PASD1: variants seen among roughly 807,000 people sequenced by gnomAD.
PASD1 encodes the protein PAS domain containing repressor 1.
Under a neutral mutation model 58.8 loss-of-function variants are expected in PASD1, and 13 were observed. The observed-to-expected ratio is 0.22, with a 90% CI of 0.14 to 0.35. The LOEUF is 0.35. Ranked by LOEUF, PASD1 falls within the 10% of genes least tolerant of loss-of-function variation. The pLI is 1.00. For synonymous variants in PASD1, 236 were observed against 216.7 expected, an observed-to-expected ratio of 1.09 and a Z score of -0.78; for missense variants, 734 against 568.3, an observed-to-expected ratio of 1.29 and a Z score of -2.96.
chrX:151,642,104 A>G (rs2014005688), intron 8 of PASD1, among the ~76,000 whole-genome samples: 1 of 112,218 alleles, frequency 8.9e-6, no homozygotes, highest in Non-Finnish European at 1.9e-5. Flanking sequence ...AAGATGGTAA[A>G]CGATGGGATT....
chrX:151,575,640 G>A (rs138649466), intron 1 of PASD1, among the ~76,000 whole-genome samples: 7,732 of 109,779 alleles, frequency 0.07, 332 homozygotes, highest in African/African-American at 0.15. Flanking sequence ...TCTAAGTAAT[G>A]AGCTGGAATT....
chrX:151,623,486 G>A (rs2013744274), intron 7 of PASD1, among the ~76,000 whole-genome samples: 1 of 111,447 alleles, frequency 9.0e-6, no homozygotes, highest in Non-Finnish European at 1.9e-5. Context: ...CTCTAATATA[G>A]CATTCACAAA....
intron 14 of PASD1, chrX:151,673,666 G>A: frequency 2.4e-6 from 1 of 411,671 alleles, no homozygotes; most frequent in Non-Finnish European, 4.2e-6. Context: ...AGAGAGCATA[G>A]TTGTAGCAGG....
chrX:151,625,623 T>C (rs1165379620), intron 8 of PASD1, 93 bp downstream of exon 8: 1 of 695,649 alleles, frequency 1.4e-6, no homozygotes, highest in Non-Finnish European at 2.1e-6. Context: ...ACAGATATTT[T>C]TTTTCCCATC....
chrX:151,626,159 C>T (rs2013784424), intron 8 of PASD1, among the ~76,000 whole-genome samples: 1 of 111,913 alleles, frequency 8.9e-6, no homozygotes, highest in Non-Finnish European at 1.9e-5. Context: ...TTTTAATATA[C>T]TACTTCATTA....
At chrX:151,652,497 C>A (rs1379097083) in intron 9 of PASD1, among the ~76,000 whole-genome samples, 1 of 102,646 alleles carries the variant, frequency 9.7e-6, no homozygotes, top group African/African-American at 3.5e-5. Flanking sequence ...CGTGCCACTG[C>A]ACTCCAGCCT....
At chrX:151,594,673 A>G (rs1025584799) in intron 1 of PASD1, among the ~76,000 whole-genome samples, 2 of 112,378 alleles carry the variant, frequency 1.8e-5, no homozygotes, top group Admixed American at 9.4e-5. Context: ...ATTATCTTTT[A>G]TAGAAATAAA....
At chrX:151,606,707 A>T (rs1156704157) in intron 3 of PASD1, among the ~76,000 whole-genome samples, 1 of 110,631 alleles carries the variant, frequency 9.0e-6, no homozygotes, top group Non-Finnish European at 1.9e-5. Flanking sequence ...ACTCCAGCCC[A>T]TGGGGGTCCA....
intron 3 of PASD1, among the ~76,000 whole-genome samples, chrX:151,607,537 G>T (rs2013503073): frequency 8.9e-6 from 1 of 111,804 alleles, no homozygotes; most frequent in Non-Finnish European, 1.9e-5. Flanking sequence ...TTATTACCAA[G>T]CTGGATAGAG....
chrX:151,666,089 T>TA (rs2014375754), intron 11 of PASD1, among the ~76,000 whole-genome samples: 1 of 110,213 alleles, frequency 9.1e-6, no homozygotes, highest in Non-Finnish European at 1.9e-5. Context: ...TCTATGTACT[T>TA]ACATTACTCA....
At chrX:151,652,135 CA>C (rs1208065515) in intron 9 of PASD1, among the ~76,000 whole-genome samples, 1 of 111,754 alleles carries the variant, frequency 8.9e-6, no homozygotes, top group Non-Finnish European at 1.9e-5. Flanking sequence ...CATCAGTTAA[CA>C]AAACAGTGAA....
intron 1 of PASD1, among the ~76,000 whole-genome samples, chrX:151,569,976 C>T (rs1216732524): frequency 9.0e-6 from 1 of 111,268 alleles, no homozygotes. Context: ...AATTATATAT[C>T]CATCTTAAAT....
chrX:151,655,713 C>T (rs1436486549), intron 9 of PASD1, among the ~76,000 whole-genome samples: 1 of 111,455 alleles, frequency 9.0e-6, no homozygotes, highest in African/African-American at 3.3e-5. Flanking sequence ...TTGTTTTTTT[C>T]TTGTAAATTT....
intron 9 of PASD1, among the ~76,000 whole-genome samples, chrX:151,649,368 A>G (rs2014102417): frequency 8.9e-6 from 1 of 111,979 alleles, no homozygotes; most frequent in Non-Finnish European, 1.9e-5. Context: ...GAGAGAAAAC[A>G]TGACCGAGAC....
chrX:151,664,342 T>C lies in PASD1; in HGVS notation c.1065T>C (p.Ser355=), dbSNP rs767078829. 1.4e-5 allele frequency: 17 copies of C among 1,210,654 alleles called. No homozygotes were observed. Among genetic ancestry groups the C allele is most frequent in the Non-Finnish European group, 1.8e-5 (16 of 895,293 alleles). The change falls in exon 11 of 16, where the codon AGT becomes AGC. Residue 355 remains serine, a synonymous_variant. Transcript: ENST00000370357. The part of the protein sequence containing the change: ...DSVDLGAAGA[S]AQPLQPSSPV... ...TGGACCTGGGGGCTGCTGGCGCAAG[T>C]GCTCAGGTACTCTGAAAGTCTCGCT...
chrX:151,642,968 A>C (rs933469506), intron 8 of PASD1, among the ~76,000 whole-genome samples: 1 of 111,452 alleles, frequency 9.0e-6, no homozygotes, highest in Non-Finnish European at 1.9e-5. Flanking sequence ...TTGGGAGGAA[A>C]CTGGAGTCCA....
intron 1 of PASD1, among the ~76,000 whole-genome samples, chrX:151,591,608 T>C (rs983945943): frequency 5.4e-5 from 6 of 112,028 alleles, no homozygotes; most frequent in African/African-American, 1.9e-4. Flanking sequence ...TCTTTTTCAA[T>C]CTTTCCATGT....
At chrX:151,601,706 C>T (rs969789854) in intron 2 of PASD1, 125 bp downstream of exon 2, 3 of 683,148 alleles carry the variant, frequency 4.4e-6, no homozygotes, top group Middle Eastern at 3.1e-4. Flanking sequence ...AATGTGGTTT[C>T]TCCAGTGTTT....
intron 8 of PASD1, among the ~76,000 whole-genome samples, chrX:151,636,245 T>C (rs2013928886): frequency 8.9e-6 from 1 of 111,954 alleles, no homozygotes; most frequent in African/African-American, 3.2e-5. Flanking sequence ...ATTCTTTTTG[T>C]TGCTGAGGAG....
Sources: allele counts gnomAD v4.1 joint callset (sites outside exome capture counted in the v4.1 genomes callset), GRCh38; gene constraint gnomAD v4.1.1; transcripts MANE v1.5; gene names NCBI Gene and HGNC (gene_info 2026-07-23, HGNC 2026-07-21).